Variants in CFAP95 observed in about 807,000 individuals in gnomAD.
CFAP95 encodes the protein cilia and flagella associated protein 95.
chr9:69,822,121 C>T, the CFAP95 span, among the ~76,000 whole-genome samples: 31 of 152,238 alleles, frequency 2.0e-4, no homozygotes, highest in African/African-American at 7.2e-4. Context: ...AATTAACTTT[C>T]CTGGCTCTGC....
At chr9:69,891,109 G>A in the CFAP95 span, among the ~76,000 whole-genome samples, 1 of 152,174 alleles carries the variant, frequency 6.6e-6, no homozygotes, top group African/African-American at 2.4e-5. Flanking sequence ...TCCAAAGCTG[G>A]CTGTTAGAAA....
At chr9:69,850,998 T>G in the CFAP95 span, among the ~76,000 whole-genome samples, 1 of 152,230 alleles carries the variant, frequency 6.6e-6, no homozygotes, top group Non-Finnish European at 1.5e-5. Flanking sequence ...TTTCCAGACG[T>G]TTGGGATGGG....
chr9:69,822,858 G>A, the CFAP95 span, among the ~76,000 whole-genome samples: 1 of 152,166 alleles, frequency 6.6e-6, no homozygotes, highest in African/African-American at 2.4e-5. Flanking sequence ...GGAACAGGAA[G>A]ACTTAAATTC....
the CFAP95 span, among the ~76,000 whole-genome samples, chr9:69,874,431 G>C: frequency 6.6e-6 from 1 of 152,198 alleles, no homozygotes; most frequent in African/African-American, 2.4e-5. Context: ...CTTAGACTTT[G>C]GTGGCCTGAT....
chr9:69,859,121 G>A, the CFAP95 span, among the ~76,000 whole-genome samples: 1 of 152,138 alleles, frequency 6.6e-6, no homozygotes, highest in African/African-American at 2.4e-5. Flanking sequence ...TCAGTTCAGA[G>A]AAATTTTCTT....
the CFAP95 span, among the ~76,000 whole-genome samples, chr9:69,893,327 A>G: frequency 6.6e-6 from 1 of 152,216 alleles, no homozygotes; most frequent in African/African-American, 2.4e-5. Flanking sequence ...CCATTATACT[A>G]GGAAGGGTTG....
At chr9:69,834,610 A>G in the CFAP95 span, among the ~76,000 whole-genome samples, 1 of 152,116 alleles carries the variant, frequency 6.6e-6, no homozygotes. Flanking sequence ...TCCTTCCAAT[A>G]TTTTCCATAG....
At chr9:69,899,617 C>G in the CFAP95 span, among the ~76,000 whole-genome samples, 1 of 152,182 alleles carries the variant, frequency 6.6e-6, no homozygotes, top group Non-Finnish European at 1.5e-5. Context: ...AGAAACTTGG[C>G]TTTCAGGATA....
chr9:69,825,540 A>T, the CFAP95 span, among the ~76,000 whole-genome samples: 1 of 152,180 alleles, frequency 6.6e-6, no homozygotes, highest in African/African-American at 2.4e-5. Flanking sequence ...TATCACCCTT[A>T]TCACACCTTG....
At chr9:69,895,359 CTCTCTCTCTCTG>C in the CFAP95 span, among the ~76,000 whole-genome samples, 1 of 97,290 alleles carries the variant, frequency 1.0e-5, no homozygotes, top group African/African-American at 3.8e-5. Context: ...CTCTCTCTCT[CTCTCTCTCTCTG>C]TGTGTGTGTG....
chr9:69,876,163 A>G, the CFAP95 span, among the ~76,000 whole-genome samples: 2 of 152,184 alleles, frequency 1.3e-5, no homozygotes, highest in Non-Finnish European at 2.9e-5. Flanking sequence ...TTTAATTTTT[A>G]TCAATCTAAT....
At chr9:69,887,523 TC>T in the CFAP95 span, among the ~76,000 whole-genome samples, 1 of 152,320 alleles carries the variant, frequency 6.6e-6, no homozygotes, top group African/African-American at 2.4e-5. Flanking sequence ...ACAATAGCTT[TC>T]CTTCACATCA....
the CFAP95 span, among the ~76,000 whole-genome samples, chr9:69,881,405 G>A: frequency 1.2e-4 from 19 of 152,248 alleles, no homozygotes; most frequent in South Asian, 8.3e-4. Context: ...CCCCAGCACC[G>A]TTTGTTGAAG....
At chr9:69,892,264 G>A in the CFAP95 span, among the ~76,000 whole-genome samples, 19 of 152,276 alleles carry the variant, frequency 1.2e-4, no homozygotes, top group African/African-American at 4.1e-4. Flanking sequence ...GGCACTCTGC[G>A]TTCTGTGTCT....
chr9:69,857,963 G>A, the CFAP95 span: 23 of 1,613,784 alleles, frequency 1.4e-5, no homozygotes, highest in African/African-American at 8.0e-5. Context: ...GACATCCACC[G>A]GATTGGAGCA....
chr9:69,894,761 T>C, the CFAP95 span, among the ~76,000 whole-genome samples: 11 of 152,334 alleles, frequency 7.2e-5, no homozygotes, highest in East Asian at 2.1e-3. Context: ...TTGATCTCAC[T>C]TTAAGACTAG....
At chr9:69,903,027 C>T in the CFAP95 span, among the ~76,000 whole-genome samples, 1 of 152,164 alleles carries the variant, frequency 6.6e-6, no homozygotes, top group South Asian at 2.1e-4. Flanking sequence ...CCAGCTCAAA[C>T]TGGGTCAGAC....
At chr9:69,890,136 G>C in the CFAP95 span, among the ~76,000 whole-genome samples, 1 of 152,020 alleles carries the variant, frequency 6.6e-6, no homozygotes, top group African/African-American at 2.4e-5. Flanking sequence ...CATGGGATTG[G>C]ACTGTATCTT....
At chr9:69,869,494 A>G in the CFAP95 span, among the ~76,000 whole-genome samples, 1 of 152,308 alleles carries the variant, frequency 6.6e-6, no homozygotes, top group Non-Finnish European at 1.5e-5. Flanking sequence ...ACAAAGTTTC[A>G]GTCATGCAAG....
Sources: allele counts gnomAD v4.1 joint callset (sites outside exome capture counted in the v4.1 genomes callset), GRCh38; gene constraint gnomAD v4.1.1; transcripts MANE v1.5; gene names NCBI Gene and HGNC (gene_info 2026-07-23, HGNC 2026-07-21).